The following PCDHGA9 variants were observed in gnomAD, a reference collection of about 807,000 sequenced individuals.
PCDHGA9 encodes protocadherin gamma-A9.
PCDHGA9 carries 37 observed loss-of-function variants against 62.5 expected under a neutral mutation model. The ratio of observed to expected loss-of-function variants is 0.59; its 90% confidence interval spans 0.46 to 0.78. The LOEUF (loss-of-function observed/expected upper bound fraction) is 0.78, where lower values mean the gene tolerates loss of function less well. PCDHGA9 is among the 30% of genes least tolerant of loss of function. The pLI, the probability that PCDHGA9 is intolerant of heterozygous loss-of-function variation, is 0.00. For missense variants in PCDHGA9, 1,138 were observed against 1,166.2 expected (o/e 0.98, Z 0.35); for synonymous variants, 459 against 484.6 (o/e 0.95, Z 0.69).
intron 1 of PCDHGA9, chr5:141,414,582 C>T (rs2095761888): frequency 2.5e-6 from 4 of 1,613,862 alleles, no homozygotes; most frequent in Non-Finnish European, 3.4e-6. Flanking sequence ...CAGAGAACAA[C>T]GCCAGGGGTG....
intron 1 of PCDHGA9, among the ~76,000 whole-genome samples, chr5:141,425,068 A>G (rs1484760901): frequency 6.6e-6 from 1 of 152,174 alleles, no homozygotes; most frequent in African/African-American, 2.4e-5. Context: ...GGACAAAAAT[A>G]ATTTCAACTG....
At chr5:141,447,647 T>C (rs1338920727) in intron 1 of PCDHGA9, among the ~76,000 whole-genome samples, 1 of 152,092 alleles carries the variant, frequency 6.6e-6, no homozygotes, top group African/African-American at 2.4e-5. Flanking sequence ...GATGGTAGAA[T>C]TTTCCCCCCC....
chr5:141,421,910 C>G, intron 1 of PCDHGA9: 1 of 1,613,716 alleles, frequency 6.2e-7, no homozygotes, highest in Non-Finnish European at 8.5e-7. Flanking sequence ...GGCGCAGTTC[C>G]CATTCGTGTG....
intron 2 of PCDHGA9, among the ~76,000 whole-genome samples, chr5:141,497,859 G>A (rs188372194): frequency 2.0e-4 from 31 of 152,134 alleles, no homozygotes; most frequent in Middle Eastern, 6.8e-3. Context: ...TTGATTCAGC[G>A]GCTCCAAAGT....
rs57426385 is a variant in PCDHGA9, at chr5:141,415,740, G to GTTTTTTTTTTTTT, written c.2424+10384_2424+10396dup. ...TGAGTAGAATTTGATGTTTATTAAGGTTTTTTTTTTTTTTTTTTTTTTTTT... is the reference window on the plus strand; with the variant it reads ...TGAGTAGAATTTGATGTTTATTAAGGTTTTTTTTTTTTTTTTTTTTTTTTTTTTTTTTTTTTTT... On this transcript the variant is annotated intron_variant, in intron 1 of 3. Coordinates refer to ENST00000573521, the MANE Select transcript of PCDHGA9 (RefSeq NM_018921.3). The GTTTTTTTTTTTTT allele has an allele frequency of 2.5e-4, 159 of 625,022 alleles. 3 individuals carry two copies. Among genetic ancestry groups the GTTTTTTTTTTTTT allele is most frequent in the Admixed American group, 5.7e-4 (8 of 14,124 alleles). 38.7% of individuals were successfully genotyped at this position (625,022 alleles called of 1,614,324 possible).
chr5:141,506,740 T>C (rs1006665092), intron 3 of PCDHGA9, among the ~76,000 whole-genome samples: 2 of 152,104 alleles, frequency 1.3e-5, no homozygotes, highest in African/African-American at 2.4e-5. Context: ...ATAATGCCTA[T>C]TAATAAAGAC....
rs771341809 is a variant in PCDHGA9 at position 141,404,607 on chromosome 5, T to C, written c.1655T>C (p.Val552Ala). 5 of 1,613,938 alleles carry C rather than the reference T, an allele frequency of 3.1e-6. No homozygotes were observed. The African/African-American group carries it at 6.7e-5, about 22-fold the overall frequency. ...AGCAATGTGTCATTGAGACTGTTTG[T>C]TTTGGACCAGAATGACAATGCCCCA... ...LSSNVSLRLF[V>A]LDQNDNAPEI... is the part of the protein sequence containing the mutation. Residue 552 changes from valine to alanine, a missense_variant, in exon 1 of 4, where the codon GTT becomes GCT. Coordinates refer to ENST00000573521, the MANE Select transcript of PCDHGA9 (RefSeq NM_018921.3).
intron 1 of PCDHGA9, chr5:141,419,406 C>A (rs367731612): frequency 1.9e-6 from 3 of 1,613,404 alleles, no homozygotes; most frequent in Non-Finnish European, 2.5e-6. Context: ...GTGGTGTTCG[C>A]GCAGCGCGCC....
intron 1 of PCDHGA9, among the ~76,000 whole-genome samples, chr5:141,436,243 TA>T (rs1428637183): frequency 6.6e-6 from 1 of 152,154 alleles, no homozygotes; most frequent in Non-Finnish European, 1.5e-5. Context: ...TAACATGGTC[TA>T]ATTATTCTGA....
At chr5:141,438,630 A>T (rs1232206839) in intron 1 of PCDHGA9, among the ~76,000 whole-genome samples, 1 of 38,920 alleles carries the variant, frequency 2.6e-5, no homozygotes, top group East Asian at 8.1e-4. Context: ...ATATATATAT[A>T]TATATACACA....
At chr5:141,439,266 G>A (rs1314903524) in intron 1 of PCDHGA9, among the ~76,000 whole-genome samples, 1 of 151,952 alleles carries the variant, frequency 6.6e-6, no homozygotes, top group Non-Finnish European at 1.5e-5. Context: ...TCAGCCAACA[G>A]TTCATTCTGA....
At position 141,404,124 on chromosome 5, in the gene PCDHGA9, C is replaced by A; in HGVS notation, c.1172C>A (p.Ser391Tyr). The change falls in exon 1 of 4, where the codon TCT (serine) becomes TAT (tyrosine). Residue 391 changes from serine (S) to tyrosine (Y), a missense_variant. Physicochemically the swap from Ser to Tyr is moderately radical, Grantham distance 144. Coordinates refer to ENST00000573521, the MANE Select transcript of PCDHGA9 (RefSeq NM_018921.3). ...QVVCSIQENLSFTLENSEEDY... is the reference protein window; with the variant it reads ...QVVCSIQENLYFTLENSEEDY... The stretch of plus-strand genomic sequence containing the variant: ...GTCTGTTCTATCCAGGAGAATCTAT[C>A]TTTTACATTAGAAAATTCAGAAGAA... The A allele has an allele frequency of 6.2e-7, 1 of 1,613,272 alleles. No homozygotes were observed. The highest frequency in any genetic ancestry group is 8.5e-7 in the Non-Finnish European group (1 of 1,179,484).
chr5:141,433,508 A>G (rs2097615565), intron 1 of PCDHGA9, among the ~76,000 whole-genome samples: 1 of 152,068 alleles, frequency 6.6e-6, no homozygotes, highest in Non-Finnish European at 1.5e-5. Context: ...TGCTGGGATT[A>G]CAGGCGTGAA....
intron 1 of PCDHGA9, chr5:141,478,484 C>A (rs376021397): frequency 1.2e-5 from 20 of 1,613,340 alleles, no homozygotes; most frequent in Non-Finnish European, 1.4e-5. Context: ...GAACACGCTG[C>A]GGAGCTGTGA....
At position 141,444,152 on chromosome 5, in the gene PCDHGA9, A is replaced by ATT. The variant is rs747671382; in HGVS notation, c.2424+38811_2424+38812dup. ...GATATGTGTCACTTGTGTGTACTGG[A>ATT]TTTTTTTTTTTTTTTTTTTTTTTTT... On this transcript the variant is annotated intron_variant, in intron 1 of 3. Coordinates refer to ENST00000573521, the MANE Select transcript of PCDHGA9 (RefSeq NM_018921.3). Among the ~76,000 whole-genome samples, 286 of 33,894 alleles carry ATT rather than the reference A, an allele frequency of 8.4e-3. 107 individuals carry two copies. The highest frequency in any genetic ancestry group is 0.011 in the African/African-American group (76 of 7,180). The allele number at this position is 33,894 out of a possible 152,430, so 22.2% of individuals were successfully genotyped here. A position where few individuals can be genotyped will look rare whatever the true frequency, so the allele number is the denominator to read the frequency against.
At chr5:141,451,154 TTTTTGGTAGTATA>T (rs2098709149) in intron 1 of PCDHGA9, among the ~76,000 whole-genome samples, 1 of 152,152 alleles carries the variant, frequency 6.6e-6, no homozygotes, top group Non-Finnish European at 1.5e-5. Flanking sequence ...ACTAGACATT[TTTTTGGTAGTATA>T]TTATTTAGCC....
chr5:141,463,574 G>A (rs942457606), intron 1 of PCDHGA9, among the ~76,000 whole-genome samples: 1 of 146,978 alleles, frequency 6.8e-6, no homozygotes, highest in Non-Finnish European at 1.5e-5. Flanking sequence ...TCAGCCTCCC[G>A]AGTAGCTGGG....
At chr5:141,497,465 G>A (rs189158903) in intron 2 of PCDHGA9, among the ~76,000 whole-genome samples, 1 of 152,024 alleles carries the variant, frequency 6.6e-6, no homozygotes, top group East Asian at 1.9e-4. Flanking sequence ...TTGGAGATAT[G>A]GAGGAGAAGG....
chr5:141,422,431 T>G, intron 1 of PCDHGA9: 1 of 1,608,846 alleles, frequency 6.2e-7, no homozygotes, highest in Non-Finnish European at 8.5e-7. Flanking sequence ...TTATGGAAAT[T>G]ATTACAAATT....
Sources: gnomAD v4.1 joint callset for allele counts (sites outside exome capture counted in the v4.1 genomes callset) on GRCh38, gnomAD v4.1.1 for gene constraint, MANE v1.5 for transcripts, NCBI Gene and HGNC (gene_info 2026-07-23, HGNC 2026-07-21) for gene names.